Variants in OTULIN observed in about 807,000 individuals in gnomAD.
The protein encoded by OTULIN is ubiquitin thioesterase otulin.
Under a neutral mutation model 39.6 loss-of-function variants are expected in OTULIN, and 15 were observed. The ratio of observed to expected loss-of-function variants is 0.38; its 90% CI spans 0.25 to 0.58. The LOEUF (loss-of-function observed/expected upper bound fraction) is 0.58, where lower values mean the gene tolerates loss of function less well. OTULIN is among the 20% of genes least tolerant of loss of function. The pLI is 0.66. For synonymous variants in OTULIN, 156 were observed against 170.3 expected (o/e 0.92, Z 0.65); for missense variants, 319 against 445.9 (o/e 0.72, Z 2.56).
At chr5:14,713,741 C>A in the OTULIN span, 4 of 1,606,212 alleles carry the variant, frequency 2.5e-6, no homozygotes, top group Non-Finnish European at 3.4e-6. The surrounding 1 kb of genome is among the most constrained non-coding windows in gnomAD (Gnocchi z 4.4). Context: ...TGGACCAGGG[C>A]AGCACATCCG....
At chr5:14,667,000 G>C (rs1735865420) in intron 1 of OTULIN, among the ~76,000 whole-genome samples, 1 of 152,148 alleles carries the variant, frequency 6.6e-6, no homozygotes, top group Non-Finnish European at 1.5e-5. Flanking sequence ...TTTAGTCTGT[G>C]TTTTTTTGTC....
intron 4 of OTULIN, among the ~76,000 whole-genome samples, chr5:14,685,684 G>A (rs1483402983): frequency 6.6e-6 from 1 of 152,162 alleles, no homozygotes; most frequent in Non-Finnish European, 1.5e-5. Flanking sequence ...GGTCTTCAGG[G>A]TCTCCTGAGT....
At chr5:14,683,670 G>C (rs1372679645) in intron 4 of OTULIN, among the ~76,000 whole-genome samples, 1 of 152,118 alleles carries the variant, frequency 6.6e-6, no homozygotes, top group African/African-American at 2.4e-5. Context: ...CTGTATTTCT[G>C]GATAGTGACA....
At chr5:14,713,244 C>A in the OTULIN span, among the ~76,000 whole-genome samples, 3 of 152,154 alleles carry the variant, frequency 2.0e-5, no homozygotes, top group Admixed American at 6.5e-5. This position sits in a 1 kb window ranked among gnomAD's most constrained non-coding sequence, Gnocchi z 4.4. Flanking sequence ...AGCGCAGGGA[C>A]CATGTCCTTC....
At position 14,690,158 on chromosome 5, in the gene OTULIN, C is replaced by G. The variant is rs1453900515; in HGVS notation, c.714C>G (p.Asn238Lys). ...LYEAVKFLMLNRAIELYNDKE... is the reference protein window; with the variant it reads ...LYEAVKFLMLKRAIELYNDKE... ...AAGCTGTAAAATTTCTAATGCTAAA[C>G]AGAGCCATTGAACTATATAATGATA... is the stretch of plus-strand genomic sequence containing the variant. Residue 238 changes from asparagine to lysine, a missense_variant, in exon 6 of 7, where the codon AAC (asparagine) becomes AAG (lysine). Physicochemically the swap from Asn to Lys is moderately conservative, Grantham distance 94. Around this residue, in one of 4 missense-constraint regions of OTULIN, gnomAD observed 106 missense variants for 192.8 expected, o/e 0.55. Transcript: ENST00000284274. This position sits in a 1 kb window ranked among gnomAD's most constrained non-coding sequence, Gnocchi z 4.5. 6.2e-7 allele frequency: 1 copy of G among 1,614,076 alleles called. No homozygotes were observed.
chr5:14,713,610 A>G, the OTULIN span: 1 of 1,614,208 alleles, frequency 6.2e-7, no homozygotes, highest in Non-Finnish European at 8.5e-7. The surrounding 1 kb of genome is among the most constrained non-coding windows in gnomAD (Gnocchi z 4.4). Flanking sequence ...GCTGGGGGCA[A>G]GGACGAAGGT....
the OTULIN span, chr5:14,713,678 G>A: frequency 1.9e-6 from 3 of 1,613,630 alleles, no homozygotes; most frequent in Non-Finnish European, 2.5e-6. This position sits in a 1 kb window ranked among gnomAD's most constrained non-coding sequence, Gnocchi z 4.4. Flanking sequence ...CTGTTGGGAG[G>A]AGCAAAGGAC....
intron 1 of OTULIN, among the ~76,000 whole-genome samples, chr5:14,669,020 A>C (rs193049472): frequency 6.6e-6 from 1 of 152,230 alleles, no homozygotes; most frequent in Admixed American, 6.5e-5. Context: ...TCAGTTGGAT[A>C]TGTTGCCTTA....
intron 1 of OTULIN, among the ~76,000 whole-genome samples, chr5:14,669,222 G>T (rs752080813): frequency 3.3e-5 from 5 of 151,962 alleles, no homozygotes; most frequent in Non-Finnish European, 7.4e-5. Context: ...AAAATTAGCC[G>T]GGTGTGGTGG....
At chr5:14,673,911 C>G (rs1736037089) in intron 2 of OTULIN, 193 bp downstream of exon 2, 3 of 418,168 alleles carry the variant, frequency 7.2e-6, no homozygotes, top group Admixed American at 4.1e-5. Flanking sequence ...CAAACATTCT[C>G]TCTGCATTCT....
chr5:14,708,194 C>T, the OTULIN span: 2 of 152,244 alleles, frequency 1.3e-5, no homozygotes, highest in South Asian at 4.1e-4. Flanking sequence ...GCTACTCAAA[C>T]AGGCCACCAA....
rs541718418 is a variant in OTULIN, at chr5:14,682,042, C to T, written c.468+435C>T. Among the ~76,000 whole-genome samples the T allele has an allele frequency of 2.0e-5, 3 of 152,320 alleles. No homozygotes were observed. The South Asian group carries it at 6.2e-4, about 32-fold the overall frequency. On this transcript the variant is annotated intron_variant, in intron 4 of 6. Transcript: ENST00000284274. ...CTTAGTAGGTGGCAGAACAGGAACA[C>T]TAGAAGAGACATGATTACTGTCACA...
At chr5:14,683,202 C>T (rs1247845894) in intron 4 of OTULIN, among the ~76,000 whole-genome samples, 2 of 151,370 alleles carry the variant, frequency 1.3e-5, no homozygotes, top group African/African-American at 4.8e-5. Flanking sequence ...TCACTTGAGC[C>T]AGGAGTTCAA....
intron 1 of OTULIN, among the ~76,000 whole-genome samples, chr5:14,667,919 C>T (rs1296635321): frequency 6.6e-6 from 1 of 152,192 alleles, no homozygotes; most frequent in African/African-American, 2.4e-5. Context: ...ACTCCACCCC[C>T]AATATCTGAC....
In OTULIN at chr5:14,694,233, G is replaced by A. The variant is rs1399278867; in HGVS notation, c.*1185G>A. ...CGCGTATGCCCTTGATTGGTTTTGG[G>A]AAGCCTGAGGGAGGCAGCCTTCCTG... On this transcript the variant is annotated 3_prime_UTR_variant, in exon 7 of 7. Coordinates refer to ENST00000284274, the MANE Select transcript of OTULIN (RefSeq NM_138348.6). 1.3e-5 allele frequency: 2 copies of A among 152,282 alleles called. No homozygotes were observed. 9.4% of individuals were successfully genotyped at this position (152,282 alleles called of 1,614,324 possible).
the OTULIN span, chr5:14,706,657 T>TTTC: frequency 6.6e-6 from 1 of 152,256 alleles, no homozygotes; most frequent in African/African-American, 2.4e-5. Flanking sequence ...ATTTTGCCTT[T>TTTC]AAAAGGGCAG....
chr5:14,708,291 T>C, the OTULIN span: 3 of 152,210 alleles, frequency 2.0e-5, no homozygotes, highest in Non-Finnish European at 4.4e-5. Context: ...GAAAAACTAC[T>C]TCATGGCCTT....
the OTULIN span, chr5:14,710,159 T>C: frequency 2.6e-5 from 4 of 152,220 alleles, no homozygotes; most frequent in Non-Finnish European, 5.9e-5. Flanking sequence ...CTCAATTACC[T>C]GTACCGCAGA....
At chr5:14,712,213 G>A in the OTULIN span, among the ~76,000 whole-genome samples, 2 of 152,348 alleles carry the variant, frequency 1.3e-5, no homozygotes, top group Admixed American at 6.5e-5. Flanking sequence ...TGAGATGCAC[G>A]TCACGCACCG....
Sources: allele counts gnomAD v4.1 joint callset (sites outside exome capture counted in the v4.1 genomes callset), GRCh38; gene constraint gnomAD v4.1.1; regional missense constraint gnomAD v4.1.1; non-coding constraint Gnocchi (gnomAD v3.1); transcripts MANE v1.5; gene names NCBI Gene and HGNC (gene_info 2026-07-23, HGNC 2026-07-21).